FNBP1: variants seen among roughly 807,000 people sequenced by gnomAD.
The protein encoded by FNBP1 is formin-binding protein 1.
FNBP1 carries 26 observed loss-of-function variants against 90.6 expected under a neutral mutation model. The observed-to-expected ratio is 0.29, with a 90% CI of 0.21 to 0.40. FNBP1 has a LOEUF of 0.40. Among genes scored for constraint, FNBP1 ranks in the 10% least tolerant of loss-of-function variants. The pLI is 1.00. For missense variants in FNBP1, 635 were observed against 768.0 expected, an observed-to-expected ratio of 0.83 and a Z score of 2.05; for synonymous variants, 260 against 265.2, an observed-to-expected ratio of 0.98 and a Z score of 0.19.
intron 1 of FNBP1, among the ~76,000 whole-genome samples, chr9:130,005,019 T>C (rs553475853): frequency 2.3e-4 from 32 of 137,952 alleles, no homozygotes; most frequent in Non-Finnish European, 3.6e-4. Context: ...TGAGATGAGA[T>C]GGCGCCATTG....
rs538861296 is a variant in FNBP1 at position 129,952,838 on chromosome 9, T to C, written c.513+4522A>G. 1.3e-3 allele frequency among the ~76,000 whole-genome samples: 198 copies of C among 152,312 alleles called. 3 individuals are homozygous for C. The highest frequency in any genetic ancestry group is 6.8e-3 in the Middle Eastern group (2 of 294). ...TATCACTGTAATAGTTGTAGATCAC[T>C]GGCAACATCCCATAAATGGTTTTGT... On this transcript the variant is annotated intron_variant, in intron 6 of 16. Coordinates refer to ENST00000446176, the MANE Select transcript of FNBP1 (RefSeq NM_015033.3).
At chr9:129,948,704 G>A (rs145146112) in intron 6 of FNBP1, among the ~76,000 whole-genome samples, 6,253 of 151,912 alleles carry the variant, frequency 0.041, 234 homozygotes, top group African/African-American at 0.099. Flanking sequence ...CACCATGCCC[G>A]GCTAATTTTT....
chr9:129,944,527 G>A (rs1309819516), intron 6 of FNBP1, among the ~76,000 whole-genome samples: 1 of 132,272 alleles, frequency 7.6e-6, no homozygotes, highest in East Asian at 2.2e-4. Flanking sequence ...GCAACAGAGC[G>A]AGACTGCGTC....
upstream of FNBP1, chr9:130,043,332 CCG>C (rs2060004538): frequency 5.4e-6 from 1 of 184,238 alleles, no homozygotes; most frequent in African/African-American, 2.3e-5. Context: ...CCGGCCGGGT[CCG>C]CGTCGCCCTG....
rs1242427844 is a variant in FNBP1, at chr9:129,890,334, C to T, written c.*205G>A. The T allele has an allele frequency of 2.2e-5, 13 of 594,406 alleles. No individual in the cohort carries two copies. The highest frequency in any genetic ancestry group is 2.7e-5 in the Non-Finnish European group (9 of 334,426). 36.8% of individuals were successfully genotyped at this position (594,406 alleles called of 1,614,324 possible). A position where few individuals can be genotyped will look rare whatever the true frequency, so the allele number is the denominator to read the frequency against. On this transcript the variant is annotated 3_prime_UTR_variant, in exon 17 of 17. Transcript: ENST00000446176. This position sits in a 1 kb window ranked among gnomAD's most constrained non-coding sequence, Gnocchi z 5.8. ...CCCGAGCCATGGGGGTGGGCGCTGG[C>T]GAGACTTGTCCCCCACGAGGTGGCC...
chr9:129,923,774 A>C, intron 10 of FNBP1, 70 bp downstream of exon 10: 3 of 1,438,186 alleles, frequency 2.1e-6, no homozygotes, highest in Non-Finnish European at 2.7e-6. Flanking sequence ...TCACAAACAA[A>C]ATTAGTTATG....
At chr9:129,925,988 T>C (rs1481260098) in intron 8 of FNBP1, among the ~76,000 whole-genome samples, 2 of 151,940 alleles carry the variant, frequency 1.3e-5, no homozygotes, top group Non-Finnish European at 2.9e-5. Context: ...TTGTTTGTTT[T>C]TGAGACAGAG....
At chr9:130,045,500 T>C (rs922106963), upstream of FNBP1, among the ~76,000 whole-genome samples, 2 of 152,012 alleles carry the variant, frequency 1.3e-5, no homozygotes, top group Non-Finnish European at 2.9e-5. Flanking sequence ...CCTGCTGCTT[T>C]AAAGAGGAGA....
the FNBP1 span, among the ~76,000 whole-genome samples, chr9:130,048,838 T>C: frequency 1.4e-5 from 2 of 146,162 alleles, no homozygotes; most frequent in Non-Finnish European, 3.0e-5. Context: ...TGGAGTGCAG[T>C]GGCGCCATCT....
chr9:129,980,165 GC>G (rs2050965901), intron 2 of FNBP1, among the ~76,000 whole-genome samples: 1 of 151,334 alleles, frequency 6.6e-6, no homozygotes, highest in African/African-American at 2.4e-5. Context: ...TTCGAGACTG[GC>G]CTGACCAACA....
chr9:130,018,297 G>T (rs2057460486), intron 1 of FNBP1, among the ~76,000 whole-genome samples: 1 of 151,700 alleles, frequency 6.6e-6, no homozygotes, highest in Non-Finnish European at 1.5e-5. Context: ...CATACAATTT[G>T]CCATGTTAAT....
chr9:129,971,379 C>T (rs546668771), intron 4 of FNBP1, among the ~76,000 whole-genome samples: 8 of 151,844 alleles, frequency 5.3e-5, no homozygotes, highest in Non-Finnish European at 1.2e-4. Flanking sequence ...TCCTATTTTA[C>T]AGTTAGATTT....
chr9:129,978,712 G>T, intron 3 of FNBP1, 100 bp from the exon 4 acceptor site: 1 of 1,149,012 alleles, frequency 8.7e-7, no homozygotes, highest in Non-Finnish European at 1.2e-6. Flanking sequence ...AGGTTAATTG[G>T]CATCCACCTC....
At chr9:129,916,860 A>G (rs557827102) in intron 10 of FNBP1, among the ~76,000 whole-genome samples, 2 of 152,240 alleles carry the variant, frequency 1.3e-5, no homozygotes, top group East Asian at 3.9e-4. Context: ...TACCTGCAGG[A>G]CCCAGAATGC....
At chr9:129,898,788 G>A (rs573270241) in intron 15 of FNBP1, among the ~76,000 whole-genome samples, 72 of 151,812 alleles carry the variant, frequency 4.7e-4, no homozygotes, top group Non-Finnish European at 8.2e-4. Flanking sequence ...GCACCCAGCC[G>A]CTGCTTGCTC....
chr9:129,902,788 G>C (rs978375941), intron 13 of FNBP1, 81 bp downstream of exon 13: 7 of 1,438,052 alleles, frequency 4.9e-6, no homozygotes, highest in African/African-American at 1.4e-5. Flanking sequence ...TGAGAGGATC[G>C]TCAGGGCCCC....
upstream of FNBP1, among the ~76,000 whole-genome samples, chr9:130,046,580 C>CAAAAAAAAAAAAAAAAAAAAAAAAAAAAA: frequency 1.5e-5 from 1 of 66,790 alleles, no homozygotes; most frequent in Non-Finnish European, 2.6e-5. Context: ...ACTAAAAATA[C>CAAAAAAAAAAAAAAAAAAAAAAAAAAAAA]AAAAAAAAAA....
rs181527236 is a variant in FNBP1, at chr9:129,931,396, G to T, written c.514-1701C>A. 4.2e-3 allele frequency among the ~76,000 whole-genome samples: 641 copies of T among 152,122 alleles called. 4 individuals are homozygous for T. Among genetic ancestry groups the T allele is most frequent in the Non-Finnish European group, 6.4e-3 (432 of 68,014 alleles). ...AGGTGGGCAGATCACAAGATCAGGA[G>T]ATCAAGACCATCCTGGCTAACATGG... On this transcript the variant is annotated intron_variant, in intron 6 of 16. Transcript: ENST00000446176.
intron 4 of FNBP1, among the ~76,000 whole-genome samples, chr9:129,974,127 G>A (rs2049937455): frequency 6.6e-6 from 1 of 151,116 alleles, no homozygotes; most frequent in South Asian, 2.1e-4. Flanking sequence ...CAGCCAAACA[G>A]CTCTTTTTCT....
Sources: allele counts gnomAD v4.1 joint callset (sites outside exome capture counted in the v4.1 genomes callset), GRCh38; gene constraint gnomAD v4.1.1; non-coding constraint Gnocchi (gnomAD v3.1); transcripts MANE v1.5; gene names NCBI Gene and HGNC (gene_info 2026-07-23, HGNC 2026-07-21).